The following PSMF1 variants were observed in gnomAD, a reference collection of about 807,000 sequenced individuals.
PSMF1 encodes proteasome inhibitor subunit 1.
Under a neutral mutation model 29.3 loss-of-function variants are expected in PSMF1, and 30 were observed. The observed-to-expected ratio is 1.02, with a 90% CI of 0.77 to 1.39. The LOEUF (loss-of-function observed/expected upper bound fraction) is 1.39, where lower values mean the gene tolerates loss of function less well. PSMF1 is among the 40% of genes most tolerant of loss of function. The pLI, the probability that PSMF1 is intolerant of heterozygous loss-of-function variation, is 0.00. For synonymous variants in PSMF1, 134 were observed against 139.7 expected, an observed-to-expected ratio of 0.96 and a Z score of 0.29; for missense variants, 344 against 357.5, an observed-to-expected ratio of 0.96 and a Z score of 0.31.
At chr20:1,125,166 A>C (rs760597620) in intron 1 of PSMF1, among the ~76,000 whole-genome samples, 12 of 152,206 alleles carry the variant, frequency 7.9e-5, no homozygotes, top group Non-Finnish European at 1.8e-4. Context: ...ACTACTTAGA[A>C]CTTCGCAGTG....
chr20:1,143,601 C>T (rs1344266493), intron 4 of PSMF1, among the ~76,000 whole-genome samples: 1 of 152,108 alleles, frequency 6.6e-6, no homozygotes, highest in Non-Finnish European at 1.5e-5. Context: ...ACTAAATGCA[C>T]AGTGTTTAAA....
At chr20:1,139,770 G>T (rs1427992763) in intron 4 of PSMF1, among the ~76,000 whole-genome samples, 1 of 149,560 alleles carries the variant, frequency 6.7e-6, no homozygotes, top group African/African-American at 2.5e-5. Flanking sequence ...ATAAAAATCA[G>T]TTGTATTTCT....
intron 3 of PSMF1, among the ~76,000 whole-genome samples, chr20:1,129,097 T>C (rs2122483195): frequency 6.6e-6 from 1 of 152,110 alleles, no homozygotes; most frequent in Non-Finnish European, 1.5e-5. Flanking sequence ...GCCAGGATGG[T>C]CTCGATCTCC....
chr20:1,141,085 A>G (rs1254066534), intron 4 of PSMF1, among the ~76,000 whole-genome samples: 1 of 152,236 alleles, frequency 6.6e-6, no homozygotes, highest in Non-Finnish European at 1.5e-5. Context: ...ATAAAAGACT[A>G]TATATGATTT....
chr20:1,115,468 A>T (rs2086002193), upstream of PSMF1, among the ~76,000 whole-genome samples: 1 of 152,250 alleles, frequency 6.6e-6, no homozygotes, highest in Non-Finnish European at 1.5e-5. Flanking sequence ...TTTTACTGTC[A>T]TCATGTACCA....
At chr20:1,159,515 A>G (rs377590903) in intron 4 of PSMF1, among the ~76,000 whole-genome samples, 1 of 151,988 alleles carries the variant, frequency 6.6e-6, no homozygotes, top group Non-Finnish European at 1.5e-5. Context: ...TCTTCCCCAC[A>G]TTTCGTGGGC....
intron 3 of PSMF1, among the ~76,000 whole-genome samples, chr20:1,131,597 A>G (rs1473761014): frequency 5.9e-5 from 9 of 152,160 alleles, no homozygotes; most frequent in East Asian, 5.8e-4. Flanking sequence ...TCTCCCTCCT[A>G]TGCCTTTCAG....
chr20:1,135,088 G>A (rs368092268), intron 3 of PSMF1, 33 bp from the exon 4 acceptor site: 72 of 1,612,000 alleles, frequency 4.5e-5, no homozygotes, highest in Non-Finnish European at 5.9e-5. Context: ...CTAGCCAACT[G>A]CAAGCAGTTG....
intron 1 of PSMF1, among the ~76,000 whole-genome samples, chr20:1,122,491 G>A (rs1250355458): frequency 6.6e-6 from 1 of 151,790 alleles, no homozygotes; most frequent in African/African-American, 2.4e-5. Flanking sequence ...GTAGAGACAG[G>A]GTTTCACCAT....
At chr20:1,126,746 G>GT (rs2086161885) in intron 2 of PSMF1, among the ~76,000 whole-genome samples, 1 of 152,090 alleles carries the variant, frequency 6.6e-6, no homozygotes, top group Admixed American at 6.5e-5. Context: ...GGGCGTGGTC[G>GT]TGGGTGCCTG....
intron 3 of PSMF1, among the ~76,000 whole-genome samples, chr20:1,128,495 C>A (rs1489896993): frequency 6.6e-6 from 1 of 152,148 alleles, no homozygotes; most frequent in Non-Finnish European, 1.5e-5. Flanking sequence ...AAGAACAAAC[C>A]TATTAAGTAA....
chr20:1,163,429 C>T lies in PSMF1; in HGVS notation c.605+246C>T, dbSNP rs367831035. ...AGCAGGCAGCTCTTCTGCCATTTCC[C>T]GGTCCCCCTGCCCACCCTAGTTTAT... On this transcript the variant is annotated intron_variant, in intron 5 of 6. Coordinates refer to ENST00000335877, the MANE Select transcript of PSMF1 (RefSeq NM_006814.5). The surrounding 1 kb of genome is among the most constrained non-coding windows in gnomAD (Gnocchi z 6.1). Among the ~76,000 whole-genome samples the T allele has an allele frequency of 1.6e-4, 24 of 152,292 alleles. No individual in the cohort carries two copies. The highest frequency in any genetic ancestry group is 5.3e-4 in the African/African-American group (22 of 41,552).
At position 1,147,034 on chromosome 20, in the gene PSMF1, A is replaced by G. The variant is rs562023738; in HGVS notation, c.551+11728A>G. ...AAATACCTACCATCTTCCCCCCAAA[A>G]CAGATTTGATGGAGGATTAGGTGTG... On this transcript the variant is annotated intron_variant, in intron 4 of 6. Coordinates refer to ENST00000335877, the MANE Select transcript of PSMF1 (RefSeq NM_006814.5). Among the ~76,000 whole-genome samples, 12 of 152,150 alleles carry G rather than the reference A, an allele frequency of 7.9e-5. 1 individual carries two copies. The East Asian group carries it at 2.3e-3, about 29-fold the overall frequency.
intron 4 of PSMF1, among the ~76,000 whole-genome samples, chr20:1,146,314 G>A (rs1325293639): frequency 6.6e-6 from 1 of 151,084 alleles, no homozygotes; most frequent in African/African-American, 2.4e-5. Flanking sequence ...TTAGGGAGAA[G>A]GTTGTTCCAG....
chr20:1,159,361 A>C (rs1230799031), intron 4 of PSMF1, among the ~76,000 whole-genome samples: 1 of 151,606 alleles, frequency 6.6e-6, no homozygotes, highest in Non-Finnish European at 1.5e-5. Flanking sequence ...TGGTTTTGCT[A>C]TGCTGGCCAG....
chr20:1,171,742 C>A lies in PSMF1; in HGVS notation c.*6662C>A, dbSNP rs2086792439. On this transcript the variant is annotated 3_prime_UTR_variant, in exon 7 of 7. Coordinates refer to ENST00000335877, the MANE Select transcript of PSMF1 (RefSeq NM_006814.5). ...AGCCAGCTCAGGTCAGTGTCTGCTG[C>A]TTCCTTACCCAGGATGGCCCACTCT... Among the ~76,000 whole-genome samples, 1 of 152,198 alleles carries A rather than the reference C, an allele frequency of 6.6e-6. No individual in the cohort carries two copies. The highest frequency in any genetic ancestry group is 1.5e-5 in the Non-Finnish European group (1 of 68,022).
chr20:1,171,709 G>T lies in PSMF1; in HGVS notation c.*6629G>T, dbSNP rs1030809015. On this transcript the variant is annotated 3_prime_UTR_variant, in exon 7 of 7. Coordinates refer to ENST00000335877, the MANE Select transcript of PSMF1 (RefSeq NM_006814.5). ...AGCCTCCCTAAAGCCGCTGGAGGAG[G>T]CCTTTGGAGCCAGCTCAGGTCAGTG... Among the ~76,000 whole-genome samples, 2 of 152,192 alleles carry T rather than the reference G, an allele frequency of 1.3e-5. No homozygotes were observed. The highest frequency in any genetic ancestry group is 4.8e-5 in the African/African-American group (2 of 41,452).
At chr20:1,161,457 A>G (rs2086666167) in intron 4 of PSMF1, 1 of 474,654 alleles carries the variant, frequency 2.1e-6, no homozygotes, top group Non-Finnish European at 3.9e-6. Context: ...CCTGTATGCC[A>G]ACACGGTGCT....
At chr20:1,133,245 A>G (rs2086254328) in intron 3 of PSMF1, among the ~76,000 whole-genome samples, 1 of 151,134 alleles carries the variant, frequency 6.6e-6, no homozygotes. Context: ...TTATCAGGTT[A>G]AAGAAGTTCC....
Sources: gnomAD v4.1 joint callset for allele counts (sites outside exome capture counted in the v4.1 genomes callset) on GRCh38, gnomAD v4.1.1 for gene constraint, Gnocchi (gnomAD v3.1) non-coding constraint, MANE v1.5 for transcripts, NCBI Gene and HGNC (gene_info 2026-07-23, HGNC 2026-07-21) for gene names.